WTAP: variants seen among roughly 807,000 people sequenced by gnomAD.
WTAP encodes WT1 associated protein.
A neutral mutation model predicts 50.0 loss-of-function variants in WTAP; 8 were observed. That is an observed-to-expected ratio of 0.16 (90% CI 0.09 to 0.29). The LOEUF (loss-of-function observed/expected upper bound fraction) is 0.29. WTAP is among the 10% of genes least tolerant of loss of function. WTAP has a pLI of 1.00. For synonymous variants in WTAP, 194 were observed against 169.0 expected (o/e 1.15, Z -1.15); for missense variants, 295 against 470.7 (o/e 0.63, Z 3.45).
intron 1 of WTAP, among the ~76,000 whole-genome samples, chr6:159,733,559 T>C (rs756205051): frequency 1.2e-4 from 18 of 151,256 alleles, no homozygotes; most frequent in Non-Finnish European, 1.9e-4. Context: ...GAGGTCAAGA[T>C]TGCAGTGAGC....
intron 6 of WTAP, among the ~76,000 whole-genome samples, chr6:159,749,750 T>C (rs1353014057): frequency 1.3e-5 from 2 of 152,082 alleles, no homozygotes. Flanking sequence ...ATTTTGTGAA[T>C]TGAAAAAAGG....
Position 159,736,298 on chromosome 6 carries a change from A to G in WTAP, c.30+3A>G. On this transcript the variant is annotated splice_donor_region_variant and intron_variant, in intron 2 of 7. Coordinates refer to ENST00000621533, the MANE Select transcript of WTAP (RefSeq NM_001270531.2). Reference sequence around the variant, plus strand: ...ACGAAGAACCTCTTCCCAAGAAGGTATGGGTTTTGGTTTTGGGTTTTTTTG... The same window carrying G: ...ACGAAGAACCTCTTCCCAAGAAGGTGTGGGTTTTGGTTTTGGGTTTTTTTG... 1 of 1,604,130 alleles carries G rather than the reference A, an allele frequency of 6.2e-7. No individual in the cohort carries two copies. The highest frequency in any genetic ancestry group is 1.1e-5 in the South Asian group (1 of 88,406).
intron 3 of WTAP, among the ~76,000 whole-genome samples, chr6:159,740,552 G>T (rs1248333316): frequency 6.6e-6 from 1 of 152,092 alleles, no homozygotes; most frequent in Non-Finnish European, 1.5e-5. Flanking sequence ...CTCCACTGAA[G>T]ATCTTTCTCT....
chr6:159,727,189 A>C (rs1205276976), upstream of WTAP: 1 of 1,223,926 alleles, frequency 8.2e-7, no homozygotes, highest in Non-Finnish European at 1.0e-6. Context: ...AAGGACGGGG[A>C]GTGTTACCGG....
At chr6:159,736,722 TA>T (rs1283196564) in intron 2 of WTAP, 1 of 153,560 alleles carries the variant, frequency 6.5e-6, no homozygotes, top group East Asian at 1.9e-4. Flanking sequence ...AAAAAATGGT[TA>T]TAGCTAATTT....
intron 1 of WTAP, among the ~76,000 whole-genome samples, chr6:159,731,695 A>T (rs1376785839): frequency 6.6e-6 from 1 of 152,166 alleles, no homozygotes; most frequent in Non-Finnish European, 1.5e-5. Context: ...GCCAGTTACC[A>T]TGCTAAAGAT....
At chr6:159,749,497 G>T in intron 6 of WTAP, 1 of 950,340 alleles carries the variant, frequency 1.1e-6, no homozygotes, top group Non-Finnish European at 1.3e-6. Context: ...TTAATTTGGG[G>T]CGGGGAGGGC....
At chr6:159,752,227 A>C (rs572425920) in intron 6 of WTAP, among the ~76,000 whole-genome samples, 1 of 152,254 alleles carries the variant, frequency 6.6e-6, no homozygotes, top group African/African-American at 2.4e-5. Context: ...AATTTAAAAA[A>C]TGTTTTAACC....
chr6:159,729,814 C>T (rs1229347607), intron 1 of WTAP, among the ~76,000 whole-genome samples: 3 of 152,120 alleles, frequency 2.0e-5, no homozygotes, highest in Non-Finnish European at 4.4e-5. Context: ...GCCAAGGTAC[C>T]GTGTCTTCTT....
At chr6:159,726,899 C>T (rs1562445955), upstream of WTAP, 2 of 1,289,124 alleles carry the variant, frequency 1.6e-6, no homozygotes, top group South Asian at 1.2e-5. Flanking sequence ...CCGCCCACGG[C>T]CTCTCTCTTG....
intron 6 of WTAP, chr6:159,753,252 T>C (rs1443693772): frequency 4.8e-6 from 3 of 627,694 alleles, no homozygotes; most frequent in African/African-American, 1.8e-5. Flanking sequence ...TGGGCACTTT[T>C]TGTTTAGGGT....
Position 159,739,023 on chromosome 6 carries a change from G to A in WTAP, c.64G>A (p.Ala22Thr). The A allele has an allele frequency of 6.2e-7, 1 of 1,611,580 alleles. No individual in the cohort carries two copies. The highest frequency in any genetic ancestry group is 8.5e-7 in the Non-Finnish European group (1 of 1,178,668). ...GAGTGAAACAGACTTCAAAGTTATG[G>A]CAAGAGATGAGTTAATTCTAAGGTA... Reference protein sequence around the residue: ...RLSETDFKVMARDELILRWKQ... With the variant: ...RLSETDFKVMTRDELILRWKQ... Residue 22 changes from alanine (A) to threonine (T), a missense_variant, in exon 3 of 8, where the codon GCA (alanine) becomes ACA (threonine). This residue lies in a region of WTAP where 120 missense variants were observed against 287.6 expected (regional missense o/e 0.42). Coordinates refer to ENST00000621533, the MANE Select transcript of WTAP (RefSeq NM_001270531.2).
rs201265156 is a variant in WTAP, at chr6:159,739,996, G to GT, written c.86+960dup. 7.9e-4 allele frequency among the ~76,000 whole-genome samples: 119 copies of GT among 150,914 alleles called. 1 individual carries two copies. The highest frequency in any genetic ancestry group is 3.2e-3 in the Admixed American group (49 of 15,172). On this transcript the variant is annotated intron_variant, in intron 3 of 7. Transcript: ENST00000621533. ...AAGATACACTACTACTCAATGCTGGGTTTTTTTTTGTTTGTTTTAATGTGC... is the reference window on the plus strand; with the variant it reads ...AAGATACACTACTACTCAATGCTGGGTTTTTTTTTTGTTTGTTTTAATGTGC...
intron 4 of WTAP, 21 bp from the exon 5 acceptor site, chr6:159,743,644 A>G: frequency 6.3e-7 from 1 of 1,576,468 alleles, no homozygotes; most frequent in Non-Finnish European, 8.6e-7. Context: ...TTGTATTTAT[A>G]ATTTTTTTTT....
chr6:159,731,663 A>G (rs1468854811), intron 1 of WTAP, among the ~76,000 whole-genome samples: 2 of 152,190 alleles, frequency 1.3e-5, no homozygotes, highest in Non-Finnish European at 2.9e-5. Flanking sequence ...AGAAGAAACT[A>G]TTAATTAAAT....
intron 1 of WTAP, among the ~76,000 whole-genome samples, chr6:159,735,531 G>A (rs906191374): frequency 6.6e-6 from 1 of 152,146 alleles, no homozygotes; most frequent in African/African-American, 2.4e-5. Flanking sequence ...CGGACGGGTT[G>A]CAATGTCAGG....
At chr6:159,726,994 C>T, upstream of WTAP, 1 of 1,271,206 alleles carries the variant, frequency 7.9e-7, no homozygotes, top group Non-Finnish European at 1.0e-6. Flanking sequence ...CCGCCTTCGC[C>T]CAGATCCCTC....
intron 1 of WTAP, among the ~76,000 whole-genome samples, chr6:159,730,452 A>T (rs1323016870): frequency 1.3e-5 from 2 of 152,212 alleles, no homozygotes; most frequent in Non-Finnish European, 2.9e-5. Flanking sequence ...GCTAAAAAAA[A>T]AATTGCCCTG....
chr6:159,728,011 G>A (rs960122407), intron 1 of WTAP, among the ~76,000 whole-genome samples: 1 of 152,222 alleles, frequency 6.6e-6, no homozygotes, highest in African/African-American at 2.4e-5. Context: ...GGCGGCGCTC[G>A]TTTTTTCCTC....
Sources: gnomAD v4.1 joint callset for allele counts (sites outside exome capture counted in the v4.1 genomes callset) on GRCh38, gnomAD v4.1.1 for gene constraint, gnomAD v4.1.1 regional missense constraint, MANE v1.5 for transcripts, NCBI Gene and HGNC (gene_info 2026-07-23, HGNC 2026-07-21) for gene names.